The following KIAA1328 variants were observed in gnomAD, a reference collection of about 807,000 sequenced individuals.
KIAA1328 encodes KIAA1328.
In KIAA1328, 52 loss-of-function variants were observed where a neutral mutation model predicts 68.1. The ratio of observed to expected loss-of-function variants is 0.76; its 90% confidence interval spans 0.61 to 0.96. The LOEUF is 0.96. Among genes scored for constraint, KIAA1328 ranks in the 40% least tolerant of loss-of-function variants. The probability of loss-of-function intolerance (pLI) is 0.00; values close to 1 mark genes in which losing one functional copy is unlikely to be tolerated. For synonymous variants in KIAA1328, 232 were observed against 239.4 expected (o/e 0.97, Z 0.28); for missense variants, 641 against 677.6 (o/e 0.95, Z 0.60).
intron 6 of KIAA1328, among the ~76,000 whole-genome samples, chr18:37,046,466 C>G (rs2055473699): frequency 6.6e-6 from 1 of 152,130 alleles, no homozygotes; most frequent in African/African-American, 2.4e-5. Flanking sequence ...TGTGAGACTA[C>G]TTAAAGCTCC....
intron 4 of KIAA1328, among the ~76,000 whole-genome samples, chr18:36,877,983 A>T (rs2048196281): frequency 6.6e-6 from 1 of 152,056 alleles, no homozygotes; most frequent in Admixed American, 6.5e-5. Context: ...GTGTCTTTTA[A>T]TTGGGGCATT....
intron 9 of KIAA1328, chr18:37,193,661 T>C (rs1162198265): frequency 2.8e-6 from 2 of 702,588 alleles, no homozygotes; most frequent in Admixed American, 4.0e-5. Flanking sequence ...GACAAAATGC[T>C]AGGCTACACG....
At chr18:36,947,630 A>T (rs1186893519) in intron 5 of KIAA1328, among the ~76,000 whole-genome samples, 1 of 152,152 alleles carries the variant, frequency 6.6e-6, no homozygotes, top group African/African-American at 2.4e-5. Flanking sequence ...ATAGGTGGCC[A>T]CCCTTAGAGG....
chr18:37,068,585 C>T (rs1045392442), intron 7 of KIAA1328, among the ~76,000 whole-genome samples: 37 of 152,216 alleles, frequency 2.4e-4, no homozygotes, highest in African/African-American at 8.2e-4. Flanking sequence ...TAATGTTGAA[C>T]ATCTTTTTGT....
Position 36,869,032 on chromosome 18 carries a change from CA to C in KIAA1328, c.333-16524del, listed in dbSNP as rs2047853037. Among the ~76,000 whole-genome samples the C allele has an allele frequency of 4.0e-5, 6 of 148,464 alleles. No individual in the cohort carries two copies. In the South Asian group the frequency reaches 1.3e-3, roughly 31 times the overall value. ...TAGAGGGCCTAATTTTTCAGTGACTCAGGTTTTTTTCTTTCTTTTTTTTTTT... is the reference window on the plus strand; with the variant it reads ...TAGAGGGCCTAATTTTTCAGTGACTCGGTTTTTTTCTTTCTTTTTTTTTTT... On this transcript the variant is annotated intron_variant, in intron 4 of 9. Coordinates refer to ENST00000280020, the MANE Select transcript of KIAA1328 (RefSeq NM_020776.3).
intron 7 of KIAA1328, among the ~76,000 whole-genome samples, chr18:37,113,727 A>G (rs1284573089): frequency 1.3e-5 from 2 of 152,242 alleles, no homozygotes; most frequent in African/African-American, 4.8e-5. Flanking sequence ...TTGGATAAAG[A>G]TTCAAGACTC....
At chr18:37,182,372 G>C (rs1056822395) in intron 9 of KIAA1328, among the ~76,000 whole-genome samples, 6 of 152,094 alleles carry the variant, frequency 3.9e-5, no homozygotes, top group Non-Finnish European at 7.4e-5. Flanking sequence ...ATAACTCTGT[G>C]GTTTATAGGC....
At chr18:37,072,532 CA>C (rs1181157656) in intron 7 of KIAA1328, among the ~76,000 whole-genome samples, 2 of 151,952 alleles carry the variant, frequency 1.3e-5, no homozygotes, top group Non-Finnish European at 2.9e-5. Flanking sequence ...TGTCTTTTGC[CA>C]AATTTAGGAA....
At chr18:36,915,674 C>A (rs1312929073) in intron 5 of KIAA1328, among the ~76,000 whole-genome samples, 1 of 152,102 alleles carries the variant, frequency 6.6e-6, no homozygotes, top group Non-Finnish European at 1.5e-5. Context: ...ACAATATTGA[C>A]AATATTAAAT....
chr18:37,178,752 C>G (rs539924319), intron 9 of KIAA1328, among the ~76,000 whole-genome samples: 7 of 151,978 alleles, frequency 4.6e-5, no homozygotes, highest in Admixed American at 3.9e-4. Flanking sequence ...TTGTCTTGTC[C>G]GTTTGGTAAC....
At chr18:37,229,014 T>G (rs2060653086), downstream of KIAA1328, among the ~76,000 whole-genome samples, 1 of 152,150 alleles carries the variant, frequency 6.6e-6, no homozygotes, top group African/African-American at 2.4e-5. Flanking sequence ...AACAAAAAAT[T>G]TGTGTGACTC....
chr18:36,884,293 A>T (rs892849082), intron 4 of KIAA1328, among the ~76,000 whole-genome samples: 1 of 151,948 alleles, frequency 6.6e-6, no homozygotes, highest in Non-Finnish European at 1.5e-5. Context: ...AGTCTTTGAG[A>T]TTACCCTCTT....
intron 7 of KIAA1328, among the ~76,000 whole-genome samples, chr18:37,091,107 CA>C (rs1330647224): frequency 6.6e-6 from 1 of 152,180 alleles, no homozygotes; most frequent in African/African-American, 2.4e-5. Context: ...AAACCTTCTG[CA>C]ACTAATCAGG....
intron 9 of KIAA1328, among the ~76,000 whole-genome samples, chr18:37,207,683 G>A (rs1304051471): frequency 6.6e-6 from 1 of 152,158 alleles, no homozygotes; most frequent in East Asian, 1.9e-4. Context: ...GCCCTGTGAG[G>A]CCACTTCACA....
chr18:37,016,720 T>TC (rs1430418963), intron 6 of KIAA1328, among the ~76,000 whole-genome samples: 1 of 152,198 alleles, frequency 6.6e-6, no homozygotes, highest in East Asian at 1.9e-4. Context: ...CAGGAATTTC[T>TC]CCATTTCCTC....
chr18:37,176,215 A>G (rs1270000418), intron 9 of KIAA1328, among the ~76,000 whole-genome samples: 1 of 152,212 alleles, frequency 6.6e-6, no homozygotes, highest in African/African-American at 2.4e-5. Flanking sequence ...TTGCAGTTAC[A>G]ATGTGTAATA....
intron 5 of KIAA1328, among the ~76,000 whole-genome samples, chr18:36,907,271 CT>C (rs2049258097): frequency 6.6e-6 from 1 of 151,800 alleles, no homozygotes; most frequent in Admixed American, 6.6e-5. Flanking sequence ...AATCTGTATG[CT>C]TTTTATTTCT....
intron 9 of KIAA1328, among the ~76,000 whole-genome samples, chr18:37,203,968 C>T (rs866647993): frequency 3.3e-5 from 5 of 152,172 alleles, no homozygotes; most frequent in Non-Finnish European, 5.9e-5. Flanking sequence ...CGCCACCACA[C>T]GCAGCTAATT....
intron 4 of KIAA1328, among the ~76,000 whole-genome samples, chr18:36,846,010 T>C (rs557512461): frequency 6.6e-6 from 1 of 151,802 alleles, no homozygotes; most frequent in East Asian, 1.9e-4. Flanking sequence ...CTGTATTTAC[T>C]ATTAACGTAC....
Sources: allele counts gnomAD v4.1 joint callset (sites outside exome capture counted in the v4.1 genomes callset), GRCh38; gene constraint gnomAD v4.1.1; transcripts MANE v1.5; gene names NCBI Gene and HGNC (gene_info 2026-07-23, HGNC 2026-07-21).